Variants in NEK7 observed in about 807,000 individuals in gnomAD.
The protein encoded by NEK7 is NIMA related kinase 7.
A neutral mutation model predicts 44.6 loss-of-function variants in NEK7; 18 were observed. The ratio of observed to expected loss-of-function variants is 0.40; its 90% CI spans 0.28 to 0.60. The LOEUF (loss-of-function observed/expected upper bound fraction) is 0.60, where lower values mean the gene tolerates loss of function less well. NEK7 is among the 20% of genes least tolerant of loss of function. NEK7 has a pLI of 0.38. For synonymous variants in NEK7, 130 were observed against 121.1 expected, an observed-to-expected ratio of 1.07 and a Z score of -0.48; for missense variants, 256 against 366.5, an observed-to-expected ratio of 0.70 and a Z score of 2.46.
At position 198,264,138 on chromosome 1, in the gene NEK7, C is replaced by A; in HGVS notation, c.275C>A (p.Pro92Gln). The change falls in exon 5 of 10, where the codon CCA becomes CAA. Residue 92 changes from proline to glutamine, a missense_variant. Physicochemically the swap from Pro to Gln is moderately conservative, Grantham distance 76. Coordinates refer to ENST00000367385, the MANE Select transcript of NEK7 (RefSeq NM_133494.3). ...TTATTTTCTCAGCAACTCAACCATC[C>A]AAATGTAATAAAATATTATGCATCA... The part of the protein sequence containing the change: ...EIDLLKQLNH[P>Q]NVIKYYASFI... The A allele has an allele frequency of 6.3e-7, 1 of 1,589,538 alleles. No individual in the cohort carries two copies. The highest frequency in any genetic ancestry group is 1.2e-5 in the South Asian group (1 of 85,114).
At chr1:198,223,482 T>C (rs1666126406) in intron 1 of NEK7, among the ~76,000 whole-genome samples, 1 of 152,156 alleles carries the variant, frequency 6.6e-6, no homozygotes. Context: ...ATGTGTGAAA[T>C]GGGAAGTATG....
At chr1:198,212,290 G>A (rs1665796320) in intron 1 of NEK7, among the ~76,000 whole-genome samples, 2 of 152,230 alleles carry the variant, frequency 1.3e-5, no homozygotes, top group Admixed American at 6.5e-5. Context: ...TGTTGGACCA[G>A]GAGAGTCATC....
intron 2 of NEK7, among the ~76,000 whole-genome samples, chr1:198,236,478 C>T (rs1666547561): frequency 1.3e-5 from 2 of 152,256 alleles, no homozygotes; most frequent in African/African-American, 4.8e-5. Flanking sequence ...AGCAATCATC[C>T]TTAGCGCATC....
At chr1:198,289,933 G>A (rs1160131374) in intron 7 of NEK7, among the ~76,000 whole-genome samples, 1 of 152,020 alleles carries the variant, frequency 6.6e-6, no homozygotes, top group African/African-American at 2.4e-5. Flanking sequence ...TGTAATGAAA[G>A]GGATTTTTAC....
intron 9 of NEK7, among the ~76,000 whole-genome samples, chr1:198,317,890 T>TA (rs1490079620): frequency 6.8e-6 from 1 of 146,396 alleles, no homozygotes; most frequent in Non-Finnish European, 1.5e-5. Context: ...TTTTTTTTTT[T>TA]TTTTTTTTTT....
At chr1:198,284,912 G>T (rs1654322278) in intron 7 of NEK7, among the ~76,000 whole-genome samples, 1 of 152,050 alleles carries the variant, frequency 6.6e-6, no homozygotes, top group Admixed American at 6.6e-5. Context: ...TACGAGTACT[G>T]TATAGCATTT....
intron 7 of NEK7, among the ~76,000 whole-genome samples, chr1:198,287,414 CA>C (rs1035548078): frequency 1.3e-5 from 2 of 150,926 alleles, no homozygotes; most frequent in Non-Finnish European, 3.0e-5. Context: ...CAAAAACAAA[CA>C]AAAAAAAGCT....
At chr1:198,210,097 T>C (rs1190046011) in intron 1 of NEK7, among the ~76,000 whole-genome samples, 1 of 152,192 alleles carries the variant, frequency 6.6e-6, no homozygotes, top group East Asian at 1.9e-4. Context: ...GCGTCTGGCC[T>C]ATTTTTATTT....
chr1:198,186,955 T>C (rs556008820), intron 1 of NEK7, among the ~76,000 whole-genome samples: 1 of 152,328 alleles, frequency 6.6e-6, no homozygotes, highest in South Asian at 2.1e-4. Context: ...TTCATACATA[T>C]CTTGGTCAGC....
intron 1 of NEK7, among the ~76,000 whole-genome samples, chr1:198,188,210 C>G (rs746843065): frequency 4.6e-5 from 7 of 152,206 alleles, no homozygotes; most frequent in Middle Eastern, 3.4e-3. Flanking sequence ...AGGTGAGAAC[C>G]TGGATTTCAT....
intron 1 of NEK7, among the ~76,000 whole-genome samples, chr1:198,208,872 G>A (rs1236848132): frequency 6.6e-6 from 1 of 152,030 alleles, no homozygotes; most frequent in East Asian, 1.9e-4. Flanking sequence ...TAGCCTCTTA[G>A]CATCTCAACT....
At chr1:198,161,280 G>A (rs1477317073) in intron 1 of NEK7, among the ~76,000 whole-genome samples, 2 of 152,116 alleles carry the variant, frequency 1.3e-5, no homozygotes, top group African/African-American at 4.8e-5. Context: ...CTTTTTTATA[G>A]AATAGTGATT....
chr1:198,241,740 C>T (rs753794699), intron 2 of NEK7, among the ~76,000 whole-genome samples: 1 of 152,216 alleles, frequency 6.6e-6, no homozygotes, highest in Non-Finnish European at 1.5e-5. Flanking sequence ...TGTTTAGCAT[C>T]TGTAAACCTC....
chr1:198,221,850 G>A (rs917475625), intron 1 of NEK7, among the ~76,000 whole-genome samples: 1 of 150,782 alleles, frequency 6.6e-6, no homozygotes, highest in African/African-American at 2.4e-5. Context: ...ATTAAATATG[G>A]GAACTAGGAA....
chr1:198,252,128 A>G (rs895015846), intron 2 of NEK7, among the ~76,000 whole-genome samples: 1 of 151,882 alleles, frequency 6.6e-6, no homozygotes, highest in East Asian at 1.9e-4. Flanking sequence ...TCATTTCGTT[A>G]TGTACCCAGT....
chr1:198,216,537 C>G (rs2102832016), intron 1 of NEK7, among the ~76,000 whole-genome samples: 1 of 151,746 alleles, frequency 6.6e-6, no homozygotes, highest in East Asian at 1.9e-4. Context: ...GAGACAAGAA[C>G]AAACCAAACC....
chr1:198,227,472 T>G (rs1245208223), intron 1 of NEK7, among the ~76,000 whole-genome samples: 3 of 152,196 alleles, frequency 2.0e-5, no homozygotes, highest in African/African-American at 7.2e-5. Flanking sequence ...TGAACTAGTT[T>G]ACAGTCCCAC....
intron 9 of NEK7, among the ~76,000 whole-genome samples, chr1:198,298,211 AAC>A (rs1654768666): frequency 6.6e-6 from 1 of 152,194 alleles, no homozygotes; most frequent in Admixed American, 6.5e-5. Flanking sequence ...AAAAATATAA[AAC>A]AATTATAATG....
At chr1:198,163,481 T>A (rs1179629427) in intron 1 of NEK7, among the ~76,000 whole-genome samples, 1 of 151,156 alleles carries the variant, frequency 6.6e-6, no homozygotes, top group Non-Finnish European at 1.5e-5. Context: ...GCCACCGCAC[T>A]CCCACCTGGT....
Sources: allele counts gnomAD v4.1 joint callset (sites outside exome capture counted in the v4.1 genomes callset), GRCh38; gene constraint gnomAD v4.1.1; transcripts MANE v1.5; gene names NCBI Gene and HGNC (gene_info 2026-07-23, HGNC 2026-07-21).